NBPF3: variants seen among roughly 807,000 people sequenced by gnomAD.
NBPF3 encodes NBPF member 3, also known as NBPF family member NBPF3.
In NBPF3, 57 loss-of-function variants were observed where a neutral mutation model predicts 78.1. That is an observed-to-expected ratio of 0.73 (90% CI 0.59 to 0.91). The LOEUF (loss-of-function observed/expected upper bound fraction) is 0.91, where lower values mean the gene tolerates loss of function less well. Among genes scored for constraint, NBPF3 ranks in the 40% least tolerant of loss-of-function variants. NBPF3 has a pLI of 0.00. For synonymous variants in NBPF3, 182 were observed against 271.7 expected, an observed-to-expected ratio of 0.67 and a Z score of 3.25; for missense variants, 510 against 715.3, an observed-to-expected ratio of 0.71 and a Z score of 3.27.
intron 2 of NBPF3, chr1:21,466,122 C>T (rs6426711): frequency 1.2e-5 from 12 of 985,208 alleles, no homozygotes; most frequent in South Asian, 9.4e-5. Context: ...CTGATGGAAT[C>T]GGACAGTGCA....
chr1:21,454,822 C>T (rs1399505489), intron 2 of NBPF3, among the ~76,000 whole-genome samples: 17 of 152,164 alleles, frequency 1.1e-4, no homozygotes, highest in South Asian at 4.1e-4. Context: ...CAAGCATTAG[C>T]GGCGTAAAAT....
At chr1:21,445,896 C>T (rs1305161539) in intron 2 of NBPF3, 2 of 152,262 alleles carry the variant, frequency 1.3e-5, no homozygotes, top group Non-Finnish European at 1.5e-5. Flanking sequence ...TATTAGGTAC[C>T]AGGCCCTGCT....
intron 9 of NBPF3, among the ~76,000 whole-genome samples, chr1:21,479,127 G>T (rs1447222825): frequency 6.6e-6 from 1 of 152,212 alleles, no homozygotes; most frequent in Non-Finnish European, 1.5e-5. Flanking sequence ...ACACTGGGAA[G>T]ATCACATTCC....
At chr1:21,478,091 C>G in intron 8 of NBPF3, 53 bp from the exon 9 acceptor site, 1 of 1,612,608 alleles carries the variant, frequency 6.2e-7, no homozygotes, top group South Asian at 1.1e-5. Context: ...GTTTTGTTGT[C>G]TAATCTCTGT....
chr1:21,456,510 TA>T (rs910573459), intron 2 of NBPF3, among the ~76,000 whole-genome samples: 6 of 152,296 alleles, frequency 3.9e-5, no homozygotes, highest in African/African-American at 1.4e-4. Flanking sequence ...AGTTTATAAT[TA>T]AAAAAACTGT....
intron 3 of NBPF3, among the ~76,000 whole-genome samples, chr1:21,469,259 G>A (rs539963168): frequency 6.6e-6 from 1 of 152,260 alleles, no homozygotes; most frequent in African/African-American, 2.4e-5. Context: ...CTAAATGTGT[G>A]GGACTAGTGA....
chr1:21,465,657 A>G (rs529196567), intron 2 of NBPF3, among the ~76,000 whole-genome samples: 2 of 152,236 alleles, frequency 1.3e-5, no homozygotes, highest in Admixed American at 6.5e-5. Context: ...TGACACTCCA[A>G]CTTCGGAAGA....
intron 2 of NBPF3, among the ~76,000 whole-genome samples, chr1:21,462,930 A>G (rs1642031381): frequency 6.6e-6 from 1 of 152,248 alleles, no homozygotes; most frequent in South Asian, 2.1e-4. Context: ...ATTAGTTGCT[A>G]AGAATATATT....
chr1:21,443,244 ATGAT>A (rs1487571306), intron 1 of NBPF3, among the ~76,000 whole-genome samples: 6 of 152,232 alleles, frequency 3.9e-5, no homozygotes, highest in African/African-American at 9.6e-5. Flanking sequence ...TAATTTATAA[ATGAT>A]TGTCAGTTTC....
intron 9 of NBPF3, 52 bp from the exon 10 acceptor site, chr1:21,479,297 G>A: frequency 1.7e-5 from 26 of 1,572,750 alleles, no homozygotes; most frequent in Non-Finnish European, 2.2e-5. Flanking sequence ...ATGTTTCCGT[G>A]TGCAAGGAAG....
chr1:21,462,972 T>C (rs1407306251), intron 2 of NBPF3, among the ~76,000 whole-genome samples: 1 of 151,878 alleles, frequency 6.6e-6, no homozygotes, highest in Non-Finnish European at 1.5e-5. Flanking sequence ...CATGTTAAAA[T>C]TGTAGATAAA....
chr1:21,462,748 G>T (rs4529683), intron 2 of NBPF3, among the ~76,000 whole-genome samples: 1 of 152,188 alleles, frequency 6.6e-6, no homozygotes, highest in Non-Finnish European at 1.5e-5. Flanking sequence ...TAGCTTTGAA[G>T]GCCAAAAGGA....
intron 2 of NBPF3, among the ~76,000 whole-genome samples, chr1:21,459,146 G>C (rs1303763906): frequency 6.6e-6 from 1 of 152,134 alleles, no homozygotes; most frequent in East Asian, 1.9e-4. Flanking sequence ...AATTTTGTTA[G>C]CATATTACCT....
intron 10 of NBPF3, among the ~76,000 whole-genome samples, chr1:21,479,814 C>CTGTGTGTGTG (rs370782082): frequency 1.6e-4 from 8 of 49,708 alleles, no homozygotes; most frequent in African/African-American, 3.6e-4. Context: ...CTCTCTCTCT[C>CTGTGTGTGTG]TCTCTCTGTG....
At chr1:21,456,307 A>G (rs1641599178) in intron 2 of NBPF3, among the ~76,000 whole-genome samples, 1 of 152,146 alleles carries the variant, frequency 6.6e-6, no homozygotes, top group African/African-American at 2.4e-5. Flanking sequence ...ACTCTCCTCA[A>G]ACTCACATAG....
chr1:21,448,669 A>G (rs1398053465), intron 2 of NBPF3, among the ~76,000 whole-genome samples: 3 of 152,164 alleles, frequency 2.0e-5, no homozygotes, highest in Non-Finnish European at 4.4e-5. Context: ...TCTGGTTTTC[A>G]AGGAGTTTTT....
At position 21,460,333 on chromosome 1, in the gene NBPF3, CA is replaced by C. The variant is rs1402154805; in HGVS notation, c.134-8354del. Among the ~76,000 whole-genome samples the C allele has an allele frequency of 6.6e-6, 1 of 152,190 alleles. No individual in the cohort carries two copies. Among genetic ancestry groups the C allele is most frequent in the Non-Finnish European group, 1.5e-5 (1 of 68,042 alleles). On this transcript the variant is annotated intron_variant, in intron 2 of 14. Transcript: ENST00000318249. The surrounding 1 kb of genome is among the most constrained non-coding windows in gnomAD (Gnocchi z 4.2). ...TGGTTTGCTGCACCCATTAACTCGT[CA>C]TTTACATTCGGTATTTCTCCTAATG... is the stretch of plus-strand genomic sequence containing the variant.
chr1:21,438,562 G>A (rs1307911417), upstream of NBPF3, among the ~76,000 whole-genome samples: 1 of 152,174 alleles, frequency 6.6e-6, no homozygotes, highest in African/African-American at 2.4e-5. Flanking sequence ...ACAGATTTTG[G>A]AACATGCTAA....
intron 2 of NBPF3, among the ~76,000 whole-genome samples, chr1:21,451,018 C>T (rs187637615): frequency 2.6e-5 from 4 of 152,250 alleles, no homozygotes; most frequent in African/African-American, 7.2e-5. Context: ...ACCGGCCCGC[C>T]GTCCTATGGG....
Sources: gnomAD v4.1 joint callset for allele counts (sites outside exome capture counted in the v4.1 genomes callset) on GRCh38, gnomAD v4.1.1 for gene constraint, Gnocchi (gnomAD v3.1) non-coding constraint, MANE v1.5 for transcripts, NCBI Gene and HGNC (gene_info 2026-07-23, HGNC 2026-07-21) for gene names.